Variants in PAX2 observed in about 807,000 individuals in gnomAD.
The protein encoded by PAX2 is paired box 2.
PAX2 carries 9 observed loss-of-function variants against 41.7 expected under a neutral mutation model. The observed-to-expected ratio is 0.22, with a 90% confidence interval of 0.13 to 0.38. PAX2 has a LOEUF of 0.38. PAX2 is among the 10% of genes least tolerant of loss of function. PAX2 has a pLI of 1.00. For synonymous variants in PAX2, 221 were observed against 212.7 expected (o/e 1.04, Z -0.34); for missense variants, 418 against 531.6 (o/e 0.79, Z 2.10).
upstream of PAX2, among the ~76,000 whole-genome samples, chr10:100,745,076 G>A (rs952651812): frequency 1.3e-5 from 2 of 152,092 alleles, no homozygotes; most frequent in Admixed American, 6.5e-5. Context: ...CTAGGGATGC[G>A]CACTGGGCCC....
chr10:100,815,708 A>AAAGGATATG (rs1848163647), intron 7 of PAX2, among the ~76,000 whole-genome samples: 2 of 152,212 alleles, frequency 1.3e-5, no homozygotes, highest in African/African-American at 4.8e-5. Flanking sequence ...TGATAGAGGT[A>AAAGGATATG]AAGGATATGG....
In PAX2 at chr10:100,746,028, G is replaced by C; in HGVS notation, c.-233G>C. The C allele has an allele frequency of 7.0e-7, 1 of 1,429,512 alleles. No individual in the cohort carries two copies. The highest frequency in any genetic ancestry group is 9.1e-7 in the Non-Finnish European group (1 of 1,098,680). The allele number at this position is 1,429,512 out of a possible 1,614,324, so 88.6% of individuals were successfully genotyped here. The stretch of plus-strand genomic sequence containing the variant: ...CATTCTGCTGACCGCCCAGCCCCGA[G>C]CCCCGACAGTGGCAAGTTGCGGCTA... On this transcript the variant is annotated 5_prime_UTR_variant, in exon 1 of 10. Coordinates refer to ENST00000355243, the MANE Select transcript of PAX2 (RefSeq NM_000278.5).
chr10:100,765,166 A>C (rs1256708236), intron 3 of PAX2, among the ~76,000 whole-genome samples: 1 of 152,232 alleles, frequency 6.6e-6, no homozygotes, highest in Non-Finnish European at 1.5e-5. Context: ...CTTTGGGCTT[A>C]ATCTATTTGA....
Position 100,781,713 on chromosome 10 carries a change from T to C in PAX2, c.616+348T>C, listed in dbSNP as rs145265437. ...CTGGCCTGAGGATGAAAGGCCAACC[T>C]ACCTTGTCCTTACCTGATCCCAATC... On this transcript the variant is annotated intron_variant, in intron 5 of 9. Coordinates refer to ENST00000355243, the MANE Select transcript of PAX2 (RefSeq NM_000278.5). Among the ~76,000 whole-genome samples, 64 of 152,338 alleles carry C rather than the reference T, an allele frequency of 4.2e-4. 1 individual carries two copies. In the East Asian group the frequency reaches 0.012, roughly 29 times the overall value.
upstream of PAX2, among the ~76,000 whole-genome samples, chr10:100,742,839 CTTCCTTT>C (rs1845013101): frequency 1.7e-5 from 1 of 59,628 alleles, no homozygotes. Context: ...CCTCTTCTTT[CTTCCTTT>C]TTTTTTTTTT....
chr10:100,760,986 G>T (rs1845819831), intron 3 of PAX2, among the ~76,000 whole-genome samples: 2 of 152,190 alleles, frequency 1.3e-5, no homozygotes, highest in African/African-American at 4.8e-5. Flanking sequence ...TGTGACTGGG[G>T]TTGGGACTCG....
intron 1 of PAX2, among the ~76,000 whole-genome samples, chr10:100,736,913 A>G (rs1468387012): frequency 6.6e-6 from 1 of 152,176 alleles, no homozygotes; most frequent in Non-Finnish European, 1.5e-5. Flanking sequence ...ATGGAATTCA[A>G]TTGAGAGCCC....
At position 100,827,742 on chromosome 10, in the gene PAX2, G is replaced by T. The variant is rs1030765636; in HGVS notation, c.*123G>T. 6.5e-7 allele frequency: 1 copy of T among 1,535,812 alleles called. No individual in the cohort carries two copies. The highest frequency in any genetic ancestry group is 1.4e-5 in the African/African-American group (1 of 73,344). ...GCGATGCCTCCCGGCCACCGCCCCA[G>T]CCTCACCCCATCCCACGACCCCCGC... On this transcript the variant is annotated 3_prime_UTR_variant, in exon 10 of 10. Coordinates refer to ENST00000355243, the MANE Select transcript of PAX2 (RefSeq NM_000278.5). This position sits in a 1 kb window ranked among gnomAD's most constrained non-coding sequence, Gnocchi z 8.5.
intron 1 of PAX2, chr10:100,749,450 C>T: frequency 8.0e-7 from 1 of 1,249,446 alleles, no homozygotes; most frequent in Non-Finnish European, 1.0e-6. Context: ...GCATTTTCTC[C>T]CCTCTCCCCT....
At chr10:100,740,008 G>C (rs1844898116) in intron 1 of PAX2, among the ~76,000 whole-genome samples, 1 of 152,178 alleles carries the variant, frequency 6.6e-6, no homozygotes, top group African/African-American at 2.4e-5. Context: ...AACTCTCTAA[G>C]GTCCTCTTTC....
Position 100,809,171 on chromosome 10 carries a change from C to G in PAX2, c.854C>G (p.Ser285Cys). ...CTTGATGAAGTCAAGTCGAGTCTAT[C>G]TGCATCCACCAACCCTGAGCTGGGC... ...PGLDEVKSSL[S>C]ASTNPELGSN... is the part of the protein sequence containing the mutation. Residue 285 changes from serine to cysteine, a missense_variant, in exon 7 of 10, where the codon TCT becomes TGT. This residue lies in a region of PAX2 where 310 missense variants were observed against 325.2 expected (regional missense o/e 0.95). Coordinates refer to ENST00000355243, the MANE Select transcript of PAX2 (RefSeq NM_000278.5). 1 of 1,613,536 alleles carries G rather than the reference C, an allele frequency of 6.2e-7. No homozygotes were observed. Among genetic ancestry groups the G allele is most frequent in the South Asian group, 1.1e-5 (1 of 91,062 alleles).
chr10:100,754,379 T>A (rs1845557349), intron 3 of PAX2, among the ~76,000 whole-genome samples: 3 of 152,176 alleles, frequency 2.0e-5, no homozygotes, highest in Non-Finnish European at 4.4e-5. Context: ...CTAACTTTTT[T>A]AGCTTGCCTA....
At chr10:100,812,560 C>T (rs904086682) in intron 7 of PAX2, among the ~76,000 whole-genome samples, 2 of 152,186 alleles carry the variant, frequency 1.3e-5, no homozygotes, top group African/African-American at 2.4e-5. Flanking sequence ...CAGGGCCCTC[C>T]GGGTCAGGGC....
chr10:100,797,591 G>A (rs1287599511), intron 5 of PAX2, among the ~76,000 whole-genome samples: 1 of 152,212 alleles, frequency 6.6e-6, no homozygotes, highest in Non-Finnish European at 1.5e-5. Flanking sequence ...GATTACATCA[G>A]TGCATGCATG....
chr10:100,745,078 A>C (rs1049536872), upstream of PAX2, among the ~76,000 whole-genome samples: 1 of 151,946 alleles, frequency 6.6e-6, no homozygotes, highest in African/African-American at 2.4e-5. Flanking sequence ...AGGGATGCGC[A>C]CTGGGCCCGG....
At chr10:100,739,612 G>A (rs1277952166) in intron 1 of PAX2, among the ~76,000 whole-genome samples, 1 of 152,142 alleles carries the variant, frequency 6.6e-6, no homozygotes, top group Non-Finnish European at 1.5e-5. Context: ...TGGCTGTTTC[G>A]CTCCCTCTGG....
At chr10:100,768,233 A>AT (rs1846089660) in intron 3 of PAX2, among the ~76,000 whole-genome samples, 1 of 152,226 alleles carries the variant, frequency 6.6e-6, no homozygotes, top group Admixed American at 6.5e-5. Context: ...TATATCCACT[A>AT]TTATAAATCT....
At chr10:100,806,803 G>C (rs1847800488) in intron 6 of PAX2, among the ~76,000 whole-genome samples, 198 bp downstream of exon 6, 1 of 152,182 alleles carries the variant, frequency 6.6e-6, no homozygotes, top group African/African-American at 2.4e-5. Context: ...GTCTGTATAT[G>C]GTAATTAGAA....
In PAX2 at chr10:100,813,266, G is replaced by A. The variant is rs113613063; in HGVS notation, c.919+4030G>A. ...GCCTTGAGCAAGTGCAGCTCTCACC[G>A]CCCTTGTTTTAGTCACAGAGAGGTA... On this transcript the variant is annotated intron_variant, in intron 7 of 9. Transcript: ENST00000355243. Among the ~76,000 whole-genome samples, 991 of 152,330 alleles carry A rather than the reference G, an allele frequency of 6.5e-3. 14 individuals are homozygous for A. The highest frequency in any genetic ancestry group is 0.023 in the African/African-American group (943 of 41,580).
Sources: allele counts gnomAD v4.1 joint callset (sites outside exome capture counted in the v4.1 genomes callset), GRCh38; gene constraint gnomAD v4.1.1; regional missense constraint gnomAD v4.1.1; non-coding constraint Gnocchi (gnomAD v3.1); transcripts MANE v1.5; gene names NCBI Gene and HGNC (gene_info 2026-07-23, HGNC 2026-07-21).